JAZF1: variants seen among roughly 807,000 people sequenced by gnomAD.
JAZF1 encodes JAZF zinc finger 1.
A neutral mutation model predicts 26.4 loss-of-function variants in JAZF1; 8 were observed. The observed-to-expected ratio is 0.30, with a 90% CI of 0.18 to 0.55. The LOEUF is 0.55. JAZF1 is among the 20% of genes least tolerant of loss of function. The pLI, the probability that JAZF1 is intolerant of heterozygous loss-of-function variation, is 0.94. For missense variants in JAZF1, 199 were observed against 322.0 expected (o/e 0.62, Z 2.92); for synonymous variants, 126 against 122.3 (o/e 1.03, Z -0.20).
intron 2 of JAZF1, among the ~76,000 whole-genome samples, chr7:27,905,564 T>C (rs942624317): frequency 5.3e-5 from 8 of 151,214 alleles, no homozygotes; most frequent in Non-Finnish European, 1.0e-4. Context: ...TTATTTTTTA[T>C]TTTTTTTCTT....
At chr7:28,089,632 T>C (rs987073404) in intron 1 of JAZF1, among the ~76,000 whole-genome samples, 1 of 152,164 alleles carries the variant, frequency 6.6e-6, no homozygotes, top group African/African-American at 2.4e-5. Flanking sequence ...GAGAGATATA[T>C]AGAAAGTTTT....
intron 1 of JAZF1, among the ~76,000 whole-genome samples, chr7:28,114,748 G>A (rs1048234813): frequency 6.6e-6 from 1 of 151,546 alleles, no homozygotes; most frequent in Non-Finnish European, 1.5e-5. Flanking sequence ...GTGGTACTGA[G>A]GATGAGTGTG....
At chr7:28,120,569 G>A (rs1463620074) in intron 1 of JAZF1, among the ~76,000 whole-genome samples, 3 of 126,338 alleles carry the variant, frequency 2.4e-5, no homozygotes, top group Non-Finnish European at 3.2e-5. Flanking sequence ...GTGCAATGGC[G>A]CGATCTTGGC....
chr7:27,924,985 A>T (rs1055686973), intron 2 of JAZF1, among the ~76,000 whole-genome samples: 3 of 152,236 alleles, frequency 2.0e-5, no homozygotes, highest in Admixed American at 6.5e-5. Flanking sequence ...ATATATTTTT[A>T]AAAATAGGGT....
intron 2 of JAZF1, among the ~76,000 whole-genome samples, chr7:27,975,496 G>A (rs1245998486): frequency 6.6e-6 from 1 of 152,274 alleles, no homozygotes; most frequent in Non-Finnish European, 1.5e-5. Flanking sequence ...AGGTCTCAAG[G>A]CAAATGTGAC....
intron 2 of JAZF1, among the ~76,000 whole-genome samples, chr7:27,914,296 T>G (rs1373738376): frequency 6.6e-6 from 1 of 152,166 alleles, no homozygotes; most frequent in Non-Finnish European, 1.5e-5. Flanking sequence ...ACAGGTTCTC[T>G]GCTCTTCAAA....
chr7:28,168,338 G>A (rs1303797838), intron 1 of JAZF1, among the ~76,000 whole-genome samples: 3 of 137,940 alleles, frequency 2.2e-5, no homozygotes, highest in Admixed American at 8.0e-5. Flanking sequence ...GCTGCGACGC[G>A]CCATTGCACC....
intron 3 of JAZF1, among the ~76,000 whole-genome samples, chr7:27,850,339 C>T (rs1179705398): frequency 6.6e-6 from 1 of 152,174 alleles, no homozygotes. Context: ...AATTCTTGAC[C>T]TCTTTGTTCC....
At chr7:28,095,153 C>T (rs1784363330) in intron 1 of JAZF1, among the ~76,000 whole-genome samples, 1 of 152,142 alleles carries the variant, frequency 6.6e-6, no homozygotes, top group African/African-American at 2.4e-5. Flanking sequence ...CATCCCAGTC[C>T]CTCTCTTCAT....
chr7:28,118,788 AC>A (rs1244099870), intron 1 of JAZF1, among the ~76,000 whole-genome samples: 20 of 147,124 alleles, frequency 1.4e-4, no homozygotes, highest in Non-Finnish European at 2.0e-4. Flanking sequence ...ACACACACAC[AC>A]ACAACACACA....
chr7:27,950,719 A>C (rs1784995507), intron 2 of JAZF1, among the ~76,000 whole-genome samples: 1 of 152,172 alleles, frequency 6.6e-6, no homozygotes, highest in South Asian at 2.1e-4. Flanking sequence ...AGTGTCCACT[A>C]TGTGCCATGA....
At chr7:28,110,749 G>T (rs1010916628) in intron 1 of JAZF1, among the ~76,000 whole-genome samples, 3 of 152,106 alleles carry the variant, frequency 2.0e-5, no homozygotes, top group African/African-American at 7.2e-5. Flanking sequence ...TGAATGGGAC[G>T]GTGCTTTCTG....
chr7:28,166,610 A>C (rs188840798), intron 1 of JAZF1, among the ~76,000 whole-genome samples: 1 of 152,330 alleles, frequency 6.6e-6, no homozygotes, highest in East Asian at 1.9e-4. Context: ...GCTTATATAG[A>C]TTAACAAACC....
In JAZF1 at chr7:27,832,612, A is replaced by G. The variant is rs1782727611; in HGVS notation, c.*188T>C. The G allele has an allele frequency of 2.2e-6, 1 of 445,950 alleles. No individual in the cohort carries two copies. The highest frequency in any genetic ancestry group is 2.0e-5 in the African/African-American group (1 of 50,284). 27.6% of individuals were successfully genotyped at this position (445,950 alleles called of 1,614,324 possible). A position where few individuals can be genotyped will look rare whatever the true frequency, so the allele number is the denominator to read the frequency against. ...TAATGAAAATGGGTATGATGATTAC[A>G]TGTGCAAATGTACAAAATCATTAAC... On this transcript the variant is annotated 3_prime_UTR_variant, in exon 5 of 5. Coordinates refer to ENST00000283928, the MANE Select transcript of JAZF1 (RefSeq NM_175061.4).
In JAZF1 at chr7:27,832,333, T is replaced by G. The variant is rs1782720413; in HGVS notation, c.*467A>C. 4.6e-6 allele frequency: 1 copy of G among 217,730 alleles called. No homozygotes were observed. The highest frequency in any genetic ancestry group is 9.3e-6 in the Non-Finnish European group (1 of 108,058). 13.5% of individuals were successfully genotyped at this position (217,730 alleles called of 1,614,324 possible). A position where few individuals can be genotyped will look rare whatever the true frequency, so the allele number is the denominator to read the frequency against. ...TTCTACTCACAAATACTAACTCCAT[T>G]ATGTAAGGCATGGTAACCAGTTTGA... is the stretch of plus-strand genomic sequence containing the variant. On this transcript the variant is annotated 3_prime_UTR_variant, in exon 5 of 5. Transcript: ENST00000283928.
intron 1 of JAZF1, among the ~76,000 whole-genome samples, chr7:28,053,645 C>T (rs1583533026): frequency 6.6e-6 from 1 of 152,096 alleles, no homozygotes; most frequent in East Asian, 1.9e-4. Flanking sequence ...AAAAGTATCC[C>T]AAAGAACCAA....
intron 1 of JAZF1, among the ~76,000 whole-genome samples, chr7:28,082,402 T>C (rs1471645793): frequency 6.6e-6 from 1 of 152,214 alleles, no homozygotes; most frequent in African/African-American, 2.4e-5. Flanking sequence ...TCTACTCCTG[T>C]GCAGGCTCCC....
In JAZF1 at chr7:28,180,723, G is replaced by A; in HGVS notation, c.-146C>T. The stretch of plus-strand genomic sequence containing the variant: ...AGGGGAGCGGCGAGGACGGGACGGA[G>A]GGAGAGGGGGCGAGAGAGATGGAAG... On this transcript the variant is annotated 5_prime_UTR_variant, in exon 1 of 5. Transcript: ENST00000283928. The A allele has an allele frequency of 1.8e-6, 1 of 558,058 alleles. No individual in the cohort carries two copies. 34.6% of individuals were successfully genotyped at this position (558,058 alleles called of 1,614,324 possible).
chr7:28,085,437 T>A (rs183868619), intron 1 of JAZF1, among the ~76,000 whole-genome samples: 2 of 152,310 alleles, frequency 1.3e-5, no homozygotes, highest in Admixed American at 1.3e-4. Flanking sequence ...TTAAAGTACA[T>A]AAAACTTGAA....
Sources: gnomAD v4.1 joint callset for allele counts (sites outside exome capture counted in the v4.1 genomes callset) on GRCh38, gnomAD v4.1.1 for gene constraint, MANE v1.5 for transcripts, NCBI Gene and HGNC (gene_info 2026-07-23, HGNC 2026-07-21) for gene names.